CAGE1: variants seen among roughly 807,000 people sequenced by gnomAD.
The protein encoded by CAGE1 is cancer antigen 1.
CAGE1 carries 66 observed loss-of-function variants against 94.9 expected under a neutral mutation model. The ratio of observed to expected loss-of-function variants is 0.70; its 90% CI spans 0.57 to 0.85. The LOEUF (loss-of-function observed/expected upper bound fraction) is 0.85. CAGE1 is among the 40% of genes least tolerant of loss of function. The probability of loss-of-function intolerance (pLI) is 0.00; values close to 1 mark genes in which losing one functional copy is unlikely to be tolerated. For missense variants in CAGE1, 865 were observed against 950.4 expected (o/e 0.91, Z 1.18); for synonymous variants, 319 against 321.0 (o/e 0.99, Z 0.07).
Position 7,355,106 on chromosome 6 carries a change from T to A in CAGE1, c.2304A>T (p.Thr768=), listed in dbSNP as rs1561857047. ...RHLGNLIKKV[T]SYEEIIECAD... is the part of the protein sequence containing the mutation. ...CACATTCAATGATTTCTTCATATGA[T>A]GTAACCTTGAAAAAAATAAGCTAAA... Residue 768 remains threonine, a synonymous_variant, in exon 11 of 14, where the codon ACA becomes ACT. Coordinates refer to ENST00000502583, the MANE Select transcript of CAGE1 (RefSeq NM_001170692.2). The A allele has an allele frequency of 1.3e-6, 2 of 1,598,830 alleles. No homozygotes were observed. Among genetic ancestry groups the A allele is most frequent in the Non-Finnish European group, 1.7e-6 (2 of 1,171,980 alleles).
At position 7,373,760 on chromosome 6, in the gene CAGE1, G is replaced by A; in HGVS notation, c.1059C>T (p.Val353=). ...CAACATTCTCCTTTAGCTTATTGAT[G>A]ACATCAATGAACACTTGCTGTTTGG... ...KITKQQVFID[V]INKLKENVEE... The change falls in exon 5 of 14, where the codon GTC becomes GTT. Residue 353 remains valine (V), a synonymous_variant. Transcript: ENST00000502583. 1.2e-6 allele frequency: 2 copies of A among 1,613,428 alleles called. No individual in the cohort carries two copies. Among genetic ancestry groups the A allele is most frequent in the Non-Finnish European group, 1.7e-6 (2 of 1,179,568 alleles).
At chr6:7,368,417 C>A (rs114437117) in intron 7 of CAGE1, among the ~76,000 whole-genome samples, 191 of 151,986 alleles carry the variant, frequency 1.3e-3, no homozygotes, top group African/African-American at 4.3e-3. Flanking sequence ...AATAAACAAC[C>A]CTTCAGGAAT....
In CAGE1 at chr6:7,362,000, G is replaced by A. The variant is rs557087661; in HGVS notation, c.2193+3468C>T. ...AATCCAGATACAGGTGGGTCCCTTT[G>A]GTCATTCAAGTGGACCACAAGATAC... On this transcript the variant is annotated intron_variant, in intron 9 of 13. Transcript: ENST00000502583. Among the ~76,000 whole-genome samples, 15 of 152,250 alleles carry A rather than the reference G, an allele frequency of 9.9e-5. 1 individual carries two copies. The East Asian group carries it at 2.7e-3, about 27-fold the overall frequency.
At chr6:7,346,362 C>T (rs1759535036) in intron 11 of CAGE1, among the ~76,000 whole-genome samples, 1 of 152,072 alleles carries the variant, frequency 6.6e-6, no homozygotes, top group Non-Finnish European at 1.5e-5. Context: ...CAAGACCAGC[C>T]TGGGCAACAC....
intron 3 of CAGE1, among the ~76,000 whole-genome samples, chr6:7,381,536 C>CT (rs35581180): frequency 0.44 from 62,878 of 142,940 alleles, 15,974 homozygotes; most frequent in Middle Eastern, 0.6. Flanking sequence ...TATTACGTGC[C>CT]TTTTTTTTTT....
chr6:7,373,512 C>A lies in CAGE1; in HGVS notation c.1307G>T (p.Ser436Ile), dbSNP rs1561864340. 1 of 1,613,778 alleles carries A rather than the reference C, an allele frequency of 6.2e-7. No individual in the cohort carries two copies. The highest frequency in any genetic ancestry group is 1.7e-5 in the Admixed American group (1 of 59,984). The part of the protein sequence containing the change: ...TEMQQKNKSV[S>I]QYLEMDKTLS... ...GGTTTTGTCCATCTCTAAATACTGA[C>A]TTACAGATTTATTTTTTTGTTGCAT... The change falls in exon 5 of 14, where the codon AGT becomes ATT. Residue 436 changes from serine (S) to isoleucine (I), a missense_variant. By Grantham distance (142) the Ser-to-Ile change is moderately radical. Coordinates refer to ENST00000502583, the MANE Select transcript of CAGE1 (RefSeq NM_001170692.2).
chr6:7,377,994 A>G (rs545417559), intron 4 of CAGE1, among the ~76,000 whole-genome samples: 6 of 152,334 alleles, frequency 3.9e-5, no homozygotes, highest in African/African-American at 1.4e-4. Context: ...TTCCAATATG[A>G]CAGAGAAATC....
intron 3 of CAGE1, among the ~76,000 whole-genome samples, chr6:7,382,318 T>C (rs1034102238): frequency 1.8e-4 from 28 of 151,920 alleles, no homozygotes; most frequent in East Asian, 5.9e-4. Flanking sequence ...CTGTCTTTTT[T>C]TTGAGACAGA....
At position 7,362,523 on chromosome 6, in the gene CAGE1, G is replaced by A. The variant is rs896986096; in HGVS notation, c.2193+2945C>T. Reference sequence around the variant, plus strand: ...AAGTCAAGGACCCTGTCTCAGGATGGAGGAGGCCAGGCTGTGAATGGAGCA... The same window carrying A: ...AAGTCAAGGACCCTGTCTCAGGATGAAGGAGGCCAGGCTGTGAATGGAGCA... On this transcript the variant is annotated intron_variant, in intron 9 of 13. Transcript: ENST00000502583. The surrounding 1 kb of genome is among the most constrained non-coding windows in gnomAD (Gnocchi z 4.1). 2.0e-5 allele frequency among the ~76,000 whole-genome samples: 3 copies of A among 152,190 alleles called. No homozygotes were observed. Among genetic ancestry groups the A allele is most frequent in the Admixed American group, 6.5e-5 (1 of 15,286 alleles).
chr6:7,365,623 T>G (rs1331943983), intron 8 of CAGE1, 48 bp from the exon 9 acceptor site: 6 of 1,552,756 alleles, frequency 3.9e-6, no homozygotes, highest in Middle Eastern at 1.7e-4. Context: ...TCATACTCCT[T>G]GGAATACCTG....
chr6:7,349,038 C>T (rs896790501), intron 11 of CAGE1, among the ~76,000 whole-genome samples: 1 of 152,132 alleles, frequency 6.6e-6, no homozygotes, highest in African/African-American at 2.4e-5. Context: ...ACCGCAACAT[C>T]CAAATACAAG....
intron 3 of CAGE1, 94 bp downstream of exon 3, chr6:7,385,691 A>G: frequency 1.6e-6 from 1 of 634,266 alleles, no homozygotes; most frequent in Non-Finnish European, 2.6e-6. Flanking sequence ...TGATGTATAT[A>G]AAGTGCTTAG....
At position 7,344,874 on chromosome 6, in the gene CAGE1, G is replaced by C. The variant is rs184444148; in HGVS notation, c.2369+10167C>G. Among the ~76,000 whole-genome samples, 485 of 152,218 alleles carry C rather than the reference G, an allele frequency of 3.2e-3. 1 individual carries two copies. The highest frequency in any genetic ancestry group is 1.0e-2 in the African/African-American group (415 of 41,528). On this transcript the variant is annotated intron_variant, in intron 11 of 13. Transcript: ENST00000502583. ...TGGGGCCTTGGAGAACCTTTGTGTC[G>C]ACACTCTGTATCTAGCTAATCTGGT...
chr6:7,349,994 A>G (rs140242611), intron 11 of CAGE1, among the ~76,000 whole-genome samples: 25 of 151,996 alleles, frequency 1.6e-4, no homozygotes, highest in South Asian at 4.2e-4. Flanking sequence ...TCAACCAACT[A>G]TCTGCTGCCT....
At chr6:7,351,679 C>T (rs998999870) in intron 11 of CAGE1, among the ~76,000 whole-genome samples, 2 of 151,672 alleles carry the variant, frequency 1.3e-5, no homozygotes, top group African/African-American at 2.4e-5. Context: ...AAAGATAATC[C>T]ACTATGATCA....
chr6:7,365,945 T>C, intron 7 of CAGE1, 61 bp from the exon 8 acceptor site: 4 of 1,028,736 alleles, frequency 3.9e-6, no homozygotes, highest in Non-Finnish European at 5.7e-6. Context: ...CTAATATTTA[T>C]AATAAAATAA....
chr6:7,344,903 G>A (rs142220374), intron 11 of CAGE1, among the ~76,000 whole-genome samples: 2,655 of 152,274 alleles, frequency 0.017, 30 homozygotes, highest in Middle Eastern at 0.048. Flanking sequence ...ATCTGGTGGG[G>A]ACGTGCAGAA....
In CAGE1 at chr6:7,369,316, C is replaced by A. The variant is rs184964992; in HGVS notation, c.1894-518G>T. 9.6e-4 allele frequency among the ~76,000 whole-genome samples: 146 copies of A among 152,082 alleles called. 2 individuals carry two copies. The Middle Eastern group carries it at 0.024, about 25-fold the overall frequency. ...AGCCACCGCACCTGGCCGTGCATGT[C>A]CCTTAATTGTTTTTTTCATTAAATG... On this transcript the variant is annotated intron_variant, in intron 6 of 13. Transcript: ENST00000502583.
chr6:7,363,077 TG>T (rs1760213333), intron 9 of CAGE1, among the ~76,000 whole-genome samples: 1 of 152,182 alleles, frequency 6.6e-6, no homozygotes, highest in African/African-American at 2.4e-5. Flanking sequence ...GTGACTAGCC[TG>T]GCCAACATGG....
Sources: gnomAD v4.1 joint callset for allele counts (sites outside exome capture counted in the v4.1 genomes callset) on GRCh38, gnomAD v4.1.1 for gene constraint, Gnocchi (gnomAD v3.1) non-coding constraint, MANE v1.5 for transcripts, NCBI Gene and HGNC (gene_info 2026-07-23, HGNC 2026-07-21) for gene names.